Variants in CYFIP1 observed in about 807,000 individuals in gnomAD.
CYFIP1 encodes the protein cytoplasmic FMR1 interacting protein 1.
In CYFIP1, 58 loss-of-function variants were observed where a neutral mutation model predicts 163.5. The ratio of observed to expected loss-of-function variants is 0.35; its 90% confidence interval spans 0.29 to 0.44. The LOEUF (loss-of-function observed/expected upper bound fraction) is 0.44, where lower values mean the gene tolerates loss of function less well. Ranked by LOEUF, CYFIP1 falls within the 20% of genes least tolerant of loss-of-function variation. CYFIP1 has a pLI of 1.00. For synonymous variants in CYFIP1, 663 were observed against 660.7 expected (o/e 1.00, Z -0.05); for missense variants, 1,338 against 1,653.8 (o/e 0.81, Z 3.31).
intron 9 of CYFIP1, 108 bp downstream of exon 9, chr15:22,936,996 G>T: frequency 1.3e-6 from 1 of 746,026 alleles, no homozygotes; most frequent in South Asian, 1.6e-5. Flanking sequence ...ACTCCACCCA[G>T]CCCCAGCGTT....
At chr15:22,958,529 C>T (rs2062561555) in intron 1 of CYFIP1, among the ~76,000 whole-genome samples, 1 of 152,196 alleles carries the variant, frequency 6.6e-6, no homozygotes, top group African/African-American at 2.4e-5. Context: ...GCCAAGGAAC[C>T]CTGAAAGAGA....
At chr15:22,965,242 T>C (rs2062865340) in intron 1 of CYFIP1, among the ~76,000 whole-genome samples, 2 of 152,230 alleles carry the variant, frequency 1.3e-5, no homozygotes, top group South Asian at 4.1e-4. Flanking sequence ...GCGGATCACC[T>C]GAGGTCAGGA....
chr15:22,910,405 G>A (rs969213375), intron 20 of CYFIP1, 115 bp downstream of exon 20: 24 of 774,590 alleles, frequency 3.1e-5, no homozygotes, highest in Admixed American at 1.1e-4. Flanking sequence ...CAGGTGATCC[G>A]CCCACCTTGG....
intron 1 of CYFIP1, among the ~76,000 whole-genome samples, chr15:22,963,305 A>T (rs935097406): frequency 7.9e-6 from 1 of 126,828 alleles, no homozygotes; most frequent in Non-Finnish European, 1.8e-5. Context: ...AGCCTGACCA[A>T]TATGGAGAAA....
chr15:22,915,726 G>A (rs1230059538), intron 16 of CYFIP1, among the ~76,000 whole-genome samples: 1 of 152,120 alleles, frequency 6.6e-6, no homozygotes, highest in Non-Finnish European at 1.5e-5. Context: ...TCTAGCCTGG[G>A]TGACAGAGCA....
chr15:22,963,374 C>T (rs113205761), intron 1 of CYFIP1, among the ~76,000 whole-genome samples: 1,562 of 152,140 alleles, frequency 0.01, 26 homozygotes, highest in African/African-American at 0.036. Flanking sequence ...CCTGTAGTCC[C>T]AGCTACTCAA....
chr15:22,968,671 G>T (rs570895229), intron 1 of CYFIP1, among the ~76,000 whole-genome samples: 1 of 152,300 alleles, frequency 6.6e-6, no homozygotes, highest in African/African-American at 2.4e-5. Flanking sequence ...TTGTGCATAT[G>T]AAAACCTTAT....
At chr15:22,931,326 G>A (rs1419569371) in intron 11 of CYFIP1, among the ~76,000 whole-genome samples, 2 of 152,158 alleles carry the variant, frequency 1.3e-5, no homozygotes, top group Non-Finnish European at 2.9e-5. Flanking sequence ...AGGAGAATGG[G>A]AGTGGCCAAA....
At chr15:22,979,988 G>C (rs940379289) in intron 1 of CYFIP1, among the ~76,000 whole-genome samples, 1 of 152,058 alleles carries the variant, frequency 6.6e-6, no homozygotes, top group Admixed American at 6.5e-5. Context: ...CGGTGAACGC[G>C]GGGGCGGGGA....
intron 1 of CYFIP1, among the ~76,000 whole-genome samples, chr15:22,958,176 C>T (rs1595706280): frequency 6.6e-6 from 1 of 151,630 alleles, no homozygotes; most frequent in Middle Eastern, 3.4e-3. Context: ...ACCTCTGCCT[C>T]CCAGGTTCAA....
intron 1 of CYFIP1, among the ~76,000 whole-genome samples, chr15:22,957,942 C>T (rs56176814): frequency 0.016 from 2,368 of 152,258 alleles, 63 homozygotes; most frequent in African/African-American, 0.054. Context: ...CAGGGGACCG[C>T]GCCAGCATGG....
chr15:22,928,633 C>T (rs958616529), intron 11 of CYFIP1, among the ~76,000 whole-genome samples: 6 of 152,124 alleles, frequency 3.9e-5, no homozygotes, highest in African/African-American at 1.4e-4. Context: ...ACACAAGTCA[C>T]GTGGGTTTGC....
At chr15:22,938,834 T>C (rs1304584913) in intron 8 of CYFIP1, among the ~76,000 whole-genome samples, 3 of 149,232 alleles carry the variant, frequency 2.0e-5, no homozygotes, top group East Asian at 4.0e-4. Flanking sequence ...GCCCAGGAGG[T>C]TGAGGCTATA....
At chr15:22,913,030 C>A (rs1410977699) in intron 17 of CYFIP1, among the ~76,000 whole-genome samples, 1 of 151,662 alleles carries the variant, frequency 6.6e-6, no homozygotes, top group African/African-American at 2.4e-5. Context: ...ACCCCGTCTC[C>A]ATGAAACACA....
At chr15:22,870,289 T>C in intron 30 of CYFIP1, 97 bp from the exon 31 acceptor site, 1 of 1,430,720 alleles carries the variant, frequency 7.0e-7, no homozygotes, top group Non-Finnish European at 9.5e-7. Context: ...CTCAGAAAAA[T>C]AATAGCAAAC....
chr15:22,925,784 A>G (rs2061336802), intron 13 of CYFIP1, among the ~76,000 whole-genome samples, 198 bp downstream of exon 13: 1 of 152,084 alleles, frequency 6.6e-6, no homozygotes, highest in Non-Finnish European at 1.5e-5. Context: ...GCACCCAGGG[A>G]GCTTCAGTGC....
intron 6 of CYFIP1, among the ~76,000 whole-genome samples, chr15:22,942,825 C>T (rs1299568398): frequency 6.6e-6 from 1 of 152,232 alleles, no homozygotes; most frequent in African/African-American, 2.4e-5. Context: ...CACCTGCCCC[C>T]TTGCCAAGAT....
chr15:22,908,268 G>C (rs1024143494), intron 21 of CYFIP1, among the ~76,000 whole-genome samples: 1 of 152,074 alleles, frequency 6.6e-6, no homozygotes, highest in South Asian at 2.1e-4. Context: ...AAGACCCTCT[G>C]AAGGAAGCGG....
chr15:22,935,148 G>A (rs921910216), intron 9 of CYFIP1, among the ~76,000 whole-genome samples: 6 of 152,190 alleles, frequency 3.9e-5, no homozygotes, highest in Non-Finnish European at 5.9e-5. Flanking sequence ...GATGATATCT[G>A]AGACTATCCT....
Sources: gnomAD v4.1 joint callset for allele counts (sites outside exome capture counted in the v4.1 genomes callset) on GRCh38, gnomAD v4.1.1 for gene constraint, MANE v1.5 for transcripts, NCBI Gene and HGNC (gene_info 2026-07-23, HGNC 2026-07-21) for gene names.